Variants in TTN observed in about 807,000 individuals in gnomAD.
TTN encodes the protein titin.
TTN carries 1,525 observed loss-of-function variants against 3,223.0 expected under a neutral mutation model. That is an observed-to-expected ratio of 0.47 (90% CI 0.45 to 0.49). TTN has a LOEUF of 0.49. TTN is among the 20% of genes least tolerant of loss of function. TTN has a pLI of 0.00. For synonymous variants in TTN, 14,094 were observed against 15,161.0 expected, an observed-to-expected ratio of 0.93 and a Z score of 5.17; for missense variants, 40,786 against 43,424.0, an observed-to-expected ratio of 0.94 and a Z score of 5.40.
rs886387175 is a variant in TTN, at chr2:178,701,148, T to C, written c.30654A>G (p.Glu10218=). The stretch of plus-strand genomic sequence containing the variant: ...CAATACGTTTTGGTGGTGGTTTCTT[T>C]TCTTCGGGTGTTGGTAGCAAAAGGG... ...PIPLLLPTPE[E]KKPPPKRIEV... is the part of the protein sequence containing the mutation. The change falls in exon 111 of 363, where the codon GAA becomes GAG. Residue 10218 remains glutamate, a synonymous_variant. Transcript: ENST00000589042. The C allele has an allele frequency of 8.1e-6, 13 of 1,613,650 alleles. No homozygotes were observed. The highest frequency in any genetic ancestry group is 1.1e-5 in the Non-Finnish European group (13 of 1,179,746).
In TTN at chr2:178,560,104, CA is replaced by C. The variant is rs1410533914; in HGVS notation, c.86027del (p.Leu28676ArgfsTer8). On this transcript the variant is annotated frameshift_variant, in exon 326 of 363. Coordinates refer to ENST00000589042, the MANE Select transcript of TTN (RefSeq NM_001267550.2). LOFTEE classifies it high-confidence loss of function. ...CAGTTATCGGGGCCCCACCATCAAA[CA>C]GCGGCTTAACCCAGGCAATAGTTAT... is the stretch of plus-strand genomic sequence containing the variant. ...TTITIAWVKPLFDGGAPITGY... is the reference protein window; with the variant it reads ...TTITIAWVKPXFDGGAPITGY... 1 of 1,613,586 alleles carries C rather than the reference CA, an allele frequency of 6.2e-7. No homozygotes were observed. Among genetic ancestry groups the C allele is most frequent in the Non-Finnish European group, 8.5e-7 (1 of 1,179,800 alleles).
chr2:178,746,146 C>A, intron 47 of TTN: 1 of 1,613,388 alleles, frequency 6.2e-7, no homozygotes, highest in Non-Finnish European at 8.5e-7. Context: ...GCTCAATACA[C>A]ATATATTCTT....
In TTN at chr2:178,710,668, T is replaced by C; in HGVS notation, c.28429A>G (p.Lys9477Glu). The C allele has an allele frequency of 6.2e-6, 10 of 1,612,896 alleles. No individual in the cohort carries two copies. Among genetic ancestry groups the C allele is most frequent in the Non-Finnish European group, 8.5e-6 (10 of 1,179,698 alleles). ...YTCYAVNEVG[K>E]DSCTAQLNIK... is the part of the protein sequence containing the mutation. ...TTCAGCTGAGCTGTGCAAGAGTCTT[T>C]TCCCACTTCATTCACAGCATAGCAG... is the stretch of plus-strand genomic sequence containing the variant. The change falls in exon 98 of 363, where the codon AAA becomes GAA. Residue 9477 changes from lysine to glutamate, a missense_variant. Coordinates refer to ENST00000589042, the MANE Select transcript of TTN (RefSeq NM_001267550.2).
In TTN at chr2:178,710,673, A is replaced by T; in HGVS notation, c.28424T>A (p.Val9475Glu). Residue 9475 changes from valine (V) to glutamate (E), a missense_variant, in exon 98 of 363, where the codon GTG becomes GAG. Transcript: ENST00000589042. ...GQYTCYAVNE[V>E]GKDSCTAQLN... ...CTGAGCTGTGCAAGAGTCTTTTCCC[A>T]CTTCATTCACAGCATAGCAGGTATA... is the stretch of plus-strand genomic sequence containing the variant. 6.2e-7 allele frequency: 1 copy of T among 1,612,932 alleles called. No individual in the cohort carries two copies. The highest frequency in any genetic ancestry group is 8.5e-7 in the Non-Finnish European group (1 of 1,179,708).
At chr2:178,678,328 G>C in intron 144 of TTN, 86 bp downstream of exon 144, 2 of 1,502,634 alleles carry the variant, frequency 1.3e-6, no homozygotes, top group Non-Finnish European at 1.8e-6. Context: ...CTTTAAAAAT[G>C]TACAATGTAA....
chr2:178,554,019 G>T lies in TTN; in HGVS notation c.89092C>A (p.Leu29698Ile), dbSNP rs756899225. The change falls in exon 333 of 363, where the codon CTC becomes ATC. Residue 29698 changes from leucine (L) to isoleucine (I), a missense_variant. By Grantham distance (5) the Leu-to-Ile change is conservative. Coordinates refer to ENST00000589042, the MANE Select transcript of TTN (RefSeq NM_001267550.2). ...TATTGATAGTCACTGTTTTCTGTGAGTCCTGTTACTTTTTGTCTGGTGTCA... is the reference window on the plus strand; with the variant it reads ...TATTGATAGTCACTGTTTTCTGTGATTCCTGTTACTTTTTGTCTGGTGTCA... ...IRDTRQKVTG[L>I]TENSDYQYRV... 8.7e-6 allele frequency: 14 copies of T among 1,613,640 alleles called. No homozygotes were observed. Among genetic ancestry groups the T allele is most frequent in the Non-Finnish European group, 1.2e-5 (14 of 1,179,808 alleles).
chr2:178,704,064 A>G, intron 106 of TTN, 83 bp downstream of exon 106: 1 of 1,525,650 alleles, frequency 6.6e-7, no homozygotes, highest in Non-Finnish European at 8.8e-7. Context: ...GTGTGTGTCT[A>G]CAGGTAGGGT....
Position 178,738,244 on chromosome 2 carries a change from C to A in TTN, c.14209G>T (p.Gly4737Cys). 6.2e-7 allele frequency: 1 copy of A among 1,613,584 alleles called. No homozygotes were observed. The highest frequency in any genetic ancestry group is 8.5e-7 in the Non-Finnish European group (1 of 1,179,744). The stretch of plus-strand genomic sequence containing the variant: ...TTGTCACTCTCATAAATTTCTCGGC[C>A]AGCTTTAAACCACTGGAACCGGACA... ...PNVRFQWFKA[G>C]REIYESDKCS... The change falls in exon 49 of 363, where the codon GGC (glycine) becomes TGC (cysteine). Residue 4737 changes from glycine (G) to cysteine (C), a missense_variant. Transcript: ENST00000589042.
chr2:178,711,370 T>G (rs541023990), intron 96 of TTN, 21 bp from the exon 97 acceptor site: 17 of 1,541,980 alleles, frequency 1.1e-5, no homozygotes, highest in Non-Finnish European at 5.2e-6. Flanking sequence ...AGAATAAAAG[T>G]AACAAATACT....
Position 178,624,544 on chromosome 2 carries a change from A to T in TTN, c.44736T>A (p.His14912Gln), listed in dbSNP as rs762830792. The change falls in exon 242 of 363, where the codon CAT becomes CAA. Residue 14912 changes from histidine to glutamine, a missense_variant. His to Gln is a conservative substitution (Grantham distance 24). Coordinates refer to ENST00000589042, the MANE Select transcript of TTN (RefSeq NM_001267550.2). ...ADGRVRKLVIHDCTPEDIKTY... is the reference protein window; with the variant it reads ...ADGRVRKLVIQDCTPEDIKTY... ...TTTTAATATCCTCTGGGGTACAGTC[A>T]TGTATAACAAGTTTTCTGACCCTGC... The T allele has an allele frequency of 1.9e-6, 3 of 1,612,830 alleles. No homozygotes were observed. The Admixed American group carries it at 5.0e-5, about 27-fold the overall frequency.
chr2:178,546,212 C>G lies in TTN; in HGVS notation c.95119G>C (p.Asp31707His), dbSNP rs1360232560. The change falls in exon 342 of 363, where the codon GAT becomes CAT. Residue 31707 changes from aspartate (D) to histidine (H), a missense_variant and splice_region_variant. Asp to His is a moderately conservative substitution (Grantham distance 81). Transcript: ENST00000589042. ...KAVSVMVKVL[D>H]SPGPCGKLTV... is the part of the protein sequence containing the mutation. ...ATGTGAGAACATTTGACATGCTTAC[C>G]AAGCACTTTGACCATGACAGACACG... 7 of 1,605,500 alleles carry G rather than the reference C, an allele frequency of 4.4e-6. No individual in the cohort carries two copies. The South Asian group carries it at 7.8e-5, about 18-fold the overall frequency.
rs375979145 is a variant in TTN at position 178,598,657 on chromosome 2, G to A, written c.56963-3C>T. The A allele has an allele frequency of 2.3e-5, 37 of 1,601,510 alleles. No individual in the cohort carries two copies. The Middle Eastern group carries it at 4.2e-3, about 180-fold the overall frequency. ...GGGAAATGGAGGACCAGGAGGGGCT[G>A]CAAAGAGCCAGTATACGTTAGTATT... is the stretch of plus-strand genomic sequence containing the variant. On this transcript the variant is annotated splice_region_variant and splice_polypyrimidine_tract_variant and intron_variant, in intron 291 of 362. Transcript: ENST00000589042.
chr2:178,704,480 C>A lies in TTN; in HGVS notation c.29962+30G>T, dbSNP rs770630793. ...GTGCTCAACAGTAATTTAAATCTCA[C>A]AAGTATTTCATAAGCCTTTTCTAAC... On this transcript the variant is annotated intron_variant, in intron 105 of 362. Coordinates refer to ENST00000589042, the MANE Select transcript of TTN (RefSeq NM_001267550.2). 1.9e-6 allele frequency: 3 copies of A among 1,597,776 alleles called. No individual in the cohort carries two copies. In the East Asian group the frequency reaches 6.7e-5, roughly 36 times the overall value.
Position 178,712,994 on chromosome 2 carries a change from A to G in TTN, c.27050-19T>C. The G allele has an allele frequency of 1.9e-6, 3 of 1,608,860 alleles. No homozygotes were observed. In the South Asian group the frequency reaches 3.3e-5, roughly 18 times the overall value. ...GGTGGTTCTAAACACAAAAGCACATATCAGAAAAGGTTTAGTATTTGTGAA... is the reference window on the plus strand; with the variant it reads ...GGTGGTTCTAAACACAAAAGCACATGTCAGAAAAGGTTTAGTATTTGTGAA... On this transcript the variant is annotated intron_variant, in intron 93 of 362. Coordinates refer to ENST00000589042, the MANE Select transcript of TTN (RefSeq NM_001267550.2).
At chr2:178,688,079 C>T in intron 127 of TTN, 32 bp downstream of exon 127, 4 of 1,584,482 alleles carry the variant, frequency 2.5e-6, no homozygotes, top group Non-Finnish European at 3.5e-6. Flanking sequence ...ATCAAAACCC[C>T]AGATCATCTC....
Position 178,608,318 on chromosome 2 carries a change from C to T in TTN, c.52565G>A (p.Ser17522Asn). ...NSTHWSRVNK[S>N]LLNALKANVD... ...ATTGGCTTTCAAGGCATTCAGAAGGCTTTTGTTGACACGAGACCAATGTGT... is the reference window on the plus strand; with the variant it reads ...ATTGGCTTTCAAGGCATTCAGAAGGTTTTTGTTGACACGAGACCAATGTGT... Residue 17522 changes from serine (S) to asparagine (N), a missense_variant, in exon 275 of 363, where the codon AGC (serine) becomes AAC (asparagine). Coordinates refer to ENST00000589042, the MANE Select transcript of TTN (RefSeq NM_001267550.2). 6.2e-7 allele frequency: 1 copy of T among 1,612,396 alleles called. No individual in the cohort carries two copies. The highest frequency in any genetic ancestry group is 8.5e-7 in the Non-Finnish European group (1 of 1,179,162).
At position 178,757,686 on chromosome 2, in the gene TTN, C is replaced by T. The variant is rs748663632; in HGVS notation, c.10534G>A (p.Val3512Ile). The change falls in exon 45 of 363, where the codon GTT becomes ATT. Residue 3512 changes from valine to isoleucine, a missense_variant. Val to Ile is a conservative substitution (Grantham distance 29, BLOSUM62 3). Transcript: ENST00000589042. Reference sequence around the variant, plus strand: ...CCTGTGGACTCCTCAAAATGGAAAACTACATCTTTTGTTGGTAGAATTAGC... The same window carrying T: ...CCTGTGGACTCCTCAAAATGGAAAATTACATCTTTTGTTGGTAGAATTAGC... ...QQLILPTKDV[V>I]FHFEESTGMA... 1.2e-6 allele frequency: 2 copies of T among 1,613,812 alleles called. No individual in the cohort carries two copies. Among genetic ancestry groups the T allele is most frequent in the South Asian group, 1.1e-5 (1 of 91,074 alleles).
rs1430363824 is a variant in TTN at position 178,704,570 on chromosome 2, G to A, written c.29902C>T (p.Gln9968Ter). The A allele has an allele frequency of 6.2e-7, 1 of 1,613,528 alleles. No individual in the cohort carries two copies. Among genetic ancestry groups the A allele is most frequent in the Non-Finnish European group, 8.5e-7 (1 of 1,179,690 alleles). Residue 9968 changes from glutamine (Q) to a stop codon, truncating the protein, a stop_gained, in exon 105 of 363, where the codon CAG (glutamine) becomes TAG (stop). Coordinates refer to ENST00000589042, the MANE Select transcript of TTN (RefSeq NM_001267550.2). LOFTEE classifies it high-confidence loss of function. ...LRVKNCQLKDQGNYRLVCGPH... is the reference protein window; with the variant it reads ...LRVKNCQLKD Reference sequence around the variant, plus strand: ...CCACAAACCAATCGATAATTGCCCTGGTCTTTAAGTTGACAGTTTTTGACT... The same window carrying A: ...CCACAAACCAATCGATAATTGCCCTAGTCTTTAAGTTGACAGTTTTTGACT...
intron 15 of TTN, among the ~76,000 whole-genome samples, 175 bp downstream of exon 15, chr2:178,785,445 C>T (rs565243465): frequency 1.3e-5 from 2 of 152,078 alleles, no homozygotes; most frequent in Non-Finnish European, 2.9e-5. Flanking sequence ...CTCCCCTGGG[C>T]GAGTTTCAGA....
Sources: allele counts gnomAD v4.1 joint callset (sites outside exome capture counted in the v4.1 genomes callset), GRCh38; gene constraint gnomAD v4.1.1; transcripts MANE v1.5; gene names NCBI Gene and HGNC (gene_info 2026-07-23, HGNC 2026-07-21).